MIR2052HG: variants seen among roughly 807,000 people sequenced by gnomAD.
MIR2052HG encodes MIR2052 host gene.
chr8:74,701,130 T>C (rs1809353462), intron 2 of MIR2052HG, among the ~76,000 whole-genome samples: 2 of 152,152 alleles, frequency 1.3e-5, no homozygotes, highest in Non-Finnish European at 2.9e-5. Flanking sequence ...GGCCATTGCC[T>C]GAAAGGAGTG....
At chr8:74,696,620 GA>G (rs1328127701) in intron 2 of MIR2052HG, among the ~76,000 whole-genome samples, 5 of 151,936 alleles carry the variant, frequency 3.3e-5, no homozygotes, top group African/African-American at 4.8e-5. Context: ...AGCTGCATTA[GA>G]AAAGAAATGG....
intron 4 of MIR2052HG, among the ~76,000 whole-genome samples, chr8:74,742,164 G>A (rs1472590701): frequency 2.6e-5 from 4 of 152,112 alleles, no homozygotes; most frequent in Non-Finnish European, 4.4e-5. Flanking sequence ...AATTCCCAGG[G>A]CTCTGAACTA....
intron 2 of MIR2052HG, among the ~76,000 whole-genome samples, chr8:74,642,484 T>A (rs754491536): frequency 5.3e-5 from 8 of 152,164 alleles, no homozygotes; most frequent in Non-Finnish European, 8.8e-5. Context: ...CCAACAACTC[T>A]GATAAGGATA....
chr8:74,629,172 T>A (rs1166768840), intron 2 of MIR2052HG, among the ~76,000 whole-genome samples: 1 of 152,180 alleles, frequency 6.6e-6, no homozygotes, highest in Non-Finnish European at 1.5e-5. Context: ...CAAGTTTAAG[T>A]TTTTGGCAAG....
chr8:74,609,393 A>G (rs1178851978), intron 1 of MIR2052HG, among the ~76,000 whole-genome samples: 1 of 151,976 alleles, frequency 6.6e-6, no homozygotes, highest in Non-Finnish European at 1.5e-5. Flanking sequence ...CCAATGCTAT[A>G]CAAGTTCTTC....
intron 2 of MIR2052HG, among the ~76,000 whole-genome samples, chr8:74,640,099 A>G (rs1687814701): frequency 6.6e-6 from 1 of 152,150 alleles, no homozygotes; most frequent in Non-Finnish European, 1.5e-5. Context: ...CCATAGTTTG[A>G]AAGCAAGAGC....
chr8:74,752,095 A>G (rs1262517223), intron 4 of MIR2052HG, among the ~76,000 whole-genome samples: 2 of 152,030 alleles, frequency 1.3e-5, no homozygotes, highest in Non-Finnish European at 2.9e-5. Context: ...AGCCTGGGCA[A>G]CATAGTGAAA....
At chr8:74,656,208 G>A (rs1341487169) in intron 2 of MIR2052HG, among the ~76,000 whole-genome samples, 1 of 152,148 alleles carries the variant, frequency 6.6e-6, no homozygotes, top group African/African-American at 2.4e-5. Context: ...ACTTTGGACT[G>A]TGGACTTTTG....
chr8:74,634,857 C>A (rs1037839922), intron 2 of MIR2052HG, among the ~76,000 whole-genome samples: 1 of 151,936 alleles, frequency 6.6e-6, no homozygotes, highest in African/African-American at 2.4e-5. Context: ...GAGATTTTGG[C>A]AGGGCAATTG....
At chr8:74,602,821 C>G (rs536650216) in intron 1 of MIR2052HG, among the ~76,000 whole-genome samples, 8 of 115,320 alleles carry the variant, frequency 6.9e-5, no homozygotes, top group East Asian at 2.7e-4. Flanking sequence ...GGCCGTGTTT[C>G]TTTCTTTCTT....
chr8:74,683,327 A>G (rs530880737), intron 2 of MIR2052HG, among the ~76,000 whole-genome samples: 2 of 151,774 alleles, frequency 1.3e-5, no homozygotes, highest in Non-Finnish European at 2.9e-5. Flanking sequence ...TGATATTTTC[A>G]TTAAGTCACT....
At chr8:74,737,913 A>G (rs1038015847) in intron 4 of MIR2052HG, among the ~76,000 whole-genome samples, 2 of 152,188 alleles carry the variant, frequency 1.3e-5, no homozygotes, top group Admixed American at 6.6e-5. Context: ...CCAACCTGCT[A>G]AACATTTGAA....
chr8:74,707,755 T>G (rs192489456), intron 4 of MIR2052HG, among the ~76,000 whole-genome samples: 12 of 152,222 alleles, frequency 7.9e-5, no homozygotes, highest in African/African-American at 2.9e-4. Context: ...CTTACAGAAG[T>G]TAGAAGATAC....
chr8:74,602,323 C>G (rs1808012409), intron 1 of MIR2052HG, among the ~76,000 whole-genome samples: 1 of 152,158 alleles, frequency 6.6e-6, no homozygotes. Flanking sequence ...AATGCCGTGG[C>G]AAGGTATGGA....
At chr8:74,730,695 A>G (rs2128754805) in intron 4 of MIR2052HG, among the ~76,000 whole-genome samples, 1 of 152,284 alleles carries the variant, frequency 6.6e-6, no homozygotes, top group East Asian at 1.9e-4. Flanking sequence ...TTCAAACTTC[A>G]TATTGATCAG....
chr8:74,705,707 G>T (rs1267298970), intron 4 of MIR2052HG: 1 of 170,186 alleles, frequency 5.9e-6, no homozygotes, highest in Non-Finnish European at 1.5e-5. Context: ...TTTGATAACA[G>T]TAATGTCCCT....
chr8:74,634,900 A>G (rs1445446213), intron 2 of MIR2052HG, among the ~76,000 whole-genome samples: 2 of 152,158 alleles, frequency 1.3e-5, no homozygotes, highest in African/African-American at 2.4e-5. Flanking sequence ...TCTTTCCTCA[A>G]TTATTTATTG....
intron 2 of MIR2052HG, among the ~76,000 whole-genome samples, chr8:74,616,396 A>C (rs1298305797): frequency 1.3e-5 from 2 of 148,602 alleles, no homozygotes; most frequent in African/African-American, 4.9e-5. Context: ...GTAAATGCTC[A>C]TCGTCACTGG....
intron 2 of MIR2052HG, among the ~76,000 whole-genome samples, chr8:74,642,137 C>A (rs1808644689): frequency 6.6e-6 from 1 of 152,064 alleles, no homozygotes; most frequent in African/African-American, 2.4e-5. Flanking sequence ...CTCTGAAGGT[C>A]ATTAAACTTG....
Sources: allele counts gnomAD v4.1 joint callset (sites outside exome capture counted in the v4.1 genomes callset), GRCh38; gene constraint gnomAD v4.1.1; transcripts MANE v1.5; gene names NCBI Gene and HGNC (gene_info 2026-07-23, HGNC 2026-07-21).